The following KIF21A variants were observed in gnomAD, a reference collection of about 807,000 sequenced individuals.
The protein encoded by KIF21A is kinesin family member 21A.
In KIF21A, 114 loss-of-function variants were observed where a neutral mutation model predicts 202.9. That is an observed-to-expected ratio of 0.56 (90% CI 0.48 to 0.66). The LOEUF (loss-of-function observed/expected upper bound fraction) is 0.66. Among genes scored for constraint, KIF21A ranks in the 30% least tolerant of loss-of-function variants. The probability of loss-of-function intolerance (pLI) is 0.00; values close to 1 mark genes in which losing one functional copy is unlikely to be tolerated. For synonymous variants in KIF21A, 667 were observed against 670.8 expected, an observed-to-expected ratio of 0.99 and a Z score of 0.09; for missense variants, 1,677 against 1,994.9, an observed-to-expected ratio of 0.84 and a Z score of 3.04.
At chr12:39,374,103 C>A (rs779576868) in intron 1 of KIF21A, among the ~76,000 whole-genome samples, 7 of 152,124 alleles carry the variant, frequency 4.6e-5, no homozygotes, top group Non-Finnish European at 7.4e-5. Context: ...TTTAAAATCT[C>A]CAAATCCCTA....
intron 1 of KIF21A, among the ~76,000 whole-genome samples, chr12:39,370,605 A>T (rs1011135363): frequency 1.3e-5 from 2 of 152,100 alleles, no homozygotes; most frequent in African/African-American, 4.8e-5. Flanking sequence ...GCTATTTGCT[A>T]TTATTATTGT....
chr12:39,393,986 G>A (rs1951552885), intron 1 of KIF21A, among the ~76,000 whole-genome samples: 1 of 152,222 alleles, frequency 6.6e-6, no homozygotes, highest in South Asian at 2.1e-4. Context: ...AAGCATTGCA[G>A]CTTGGATTCA....
chr12:39,331,164 A>G (rs1298476129), intron 22 of KIF21A, among the ~76,000 whole-genome samples: 1 of 152,116 alleles, frequency 6.6e-6, no homozygotes, highest in Non-Finnish European at 1.5e-5. Context: ...CATTGTGAAA[A>G]TTAAGTGAGA....
At chr12:39,404,920 T>G (rs980826816) in intron 1 of KIF21A, among the ~76,000 whole-genome samples, 2 of 152,084 alleles carry the variant, frequency 1.3e-5, no homozygotes, top group Non-Finnish European at 2.9e-5. Flanking sequence ...CTAATACAAA[T>G]TTCAAATGCG....
At chr12:39,406,661 A>T (rs1458193489) in intron 1 of KIF21A, among the ~76,000 whole-genome samples, 2 of 152,168 alleles carry the variant, frequency 1.3e-5, no homozygotes, top group Non-Finnish European at 2.9e-5. Flanking sequence ...CAAGGGAAGG[A>T]CTGTTTTCTT....
At chr12:39,351,541 T>C (rs1948381171) in intron 11 of KIF21A, among the ~76,000 whole-genome samples, 1 of 152,074 alleles carries the variant, frequency 6.6e-6, no homozygotes. Context: ...ATAGTAATTT[T>C]ATATTGTCAT....
At chr12:39,305,669 C>A (rs1943403301) in intron 34 of KIF21A, among the ~76,000 whole-genome samples, 1 of 152,022 alleles carries the variant, frequency 6.6e-6, no homozygotes, top group Admixed American at 6.6e-5. Context: ...TTTAGGTAAG[C>A]AAAAAAGCAG....
chr12:39,414,440 G>A (rs1953370792), intron 1 of KIF21A, among the ~76,000 whole-genome samples: 1 of 152,082 alleles, frequency 6.6e-6, no homozygotes, highest in Non-Finnish European at 1.5e-5. Flanking sequence ...TCATCTTTAA[G>A]AAAGAATTTA....
intron 30 of KIF21A, among the ~76,000 whole-genome samples, 188 bp from the exon 31 acceptor site, chr12:39,315,428 T>C (rs1944426293): frequency 6.6e-6 from 1 of 152,036 alleles, no homozygotes; most frequent in Admixed American, 6.6e-5. Flanking sequence ...TTCTTAAGAA[T>C]ATTTATTTTA....
At position 39,301,619 on chromosome 12, in the gene KIF21A, C is replaced by T. The variant is rs537501726; in HGVS notation, c.4792G>A (p.Val1598Ile). The change falls in exon 37 of 38, where the codon GTT becomes ATT. Residue 1598 changes from valine (V) to isoleucine (I), a missense_variant. Coordinates refer to ENST00000361418, the MANE Select transcript of KIF21A (RefSeq NM_001173464.2). ...CCCCCTCTGCAGCCACTGAGCAAAACTGGGTGGTCTGGCACCACTCCCAGG... is the reference window on the plus strand; with the variant it reads ...CCCCCTCTGCAGCCACTGAGCAAAATTGGGTGGTCTGGCACCACTCCCAGG... ...CALGVVPDHP[V>I]LLSGCRGGIL... The T allele has an allele frequency of 6.2e-7, 1 of 1,614,128 alleles. No individual in the cohort carries two copies. Among genetic ancestry groups the T allele is most frequent in the Admixed American group, 1.7e-5 (1 of 60,020 alleles).
intron 1 of KIF21A, among the ~76,000 whole-genome samples, chr12:39,423,103 G>C (rs1954436648): frequency 6.6e-6 from 1 of 152,196 alleles, no homozygotes; most frequent in South Asian, 2.1e-4. Context: ...GTAAGTGCTT[G>C]ACAAATGTAT....
chr12:39,324,064 C>T (rs902774061), intron 26 of KIF21A, among the ~76,000 whole-genome samples: 3 of 151,734 alleles, frequency 2.0e-5, no homozygotes, highest in Admixed American at 6.6e-5. Flanking sequence ...GAGCTGAGAT[C>T]GCGCCACTGC....
chr12:39,318,172 A>T lies in KIF21A; in HGVS notation c.3809T>A (p.Leu1270His). ...GCTTGGTGGGGAAGAAGGAGGTGAAAGACTAGCCTCTGAAGTTCCAGAATC... is the reference window on the plus strand; with the variant it reads ...GCTTGGTGGGGAAGAAGGAGGTGAATGACTAGCCTCTGAAGTTCCAGAATC... Reference protein sequence around the residue: ...HSDSGTSEASLSPPSSPPSRP... With the variant: ...HSDSGTSEASHSPPSSPPSRP... The change falls in exon 29 of 38, where the codon CTT (leucine) becomes CAT (histidine). Residue 1270 changes from leucine (L) to histidine (H), a missense_variant. Transcript: ENST00000361418. 6.2e-7 allele frequency: 1 copy of T among 1,613,692 alleles called. No homozygotes were observed. Among genetic ancestry groups the T allele is most frequent in the Non-Finnish European group, 8.5e-7 (1 of 1,179,658 alleles).
chr12:39,305,028 T>G, intron 34 of KIF21A, 90 bp from the exon 35 acceptor site: 1 of 722,634 alleles, frequency 1.4e-6, no homozygotes, highest in East Asian at 2.8e-5. Context: ...CATTCTTTCA[T>G]AAAATAATTC....
intron 1 of KIF21A, among the ~76,000 whole-genome samples, chr12:39,427,052 C>T (rs1000667075): frequency 6.6e-6 from 1 of 151,592 alleles, no homozygotes; most frequent in South Asian, 2.1e-4. Flanking sequence ...CTTGTGTAGA[C>T]ATGCAAGGCT....
intron 1 of KIF21A, among the ~76,000 whole-genome samples, chr12:39,429,696 T>G (rs1165364226): frequency 3.3e-5 from 5 of 152,278 alleles, no homozygotes; most frequent in Admixed American, 2.0e-4. Flanking sequence ...AAGATGAAAG[T>G]GTGGTTTTAT....
At chr12:39,379,274 G>A (rs1185183932) in intron 1 of KIF21A, among the ~76,000 whole-genome samples, 1 of 150,798 alleles carries the variant, frequency 6.6e-6, no homozygotes, top group Non-Finnish European at 1.5e-5. Context: ...GTTGCAGTGA[G>A]CCGAGATCGT....
At chr12:39,434,752 C>A (rs548000588) in intron 1 of KIF21A, among the ~76,000 whole-genome samples, 2 of 152,046 alleles carry the variant, frequency 1.3e-5, no homozygotes, top group African/African-American at 4.8e-5. Context: ...AGAAGGAATA[C>A]AATTGAGGCT....
intron 24 of KIF21A, among the ~76,000 whole-genome samples, chr12:39,329,197 T>A (rs1946268191): frequency 6.6e-6 from 1 of 152,196 alleles, no homozygotes; most frequent in East Asian, 1.9e-4. Flanking sequence ...AGAGCCCCAG[T>A]CCCTAGGGCA....
Sources: allele counts gnomAD v4.1 joint callset (sites outside exome capture counted in the v4.1 genomes callset), GRCh38; gene constraint gnomAD v4.1.1; transcripts MANE v1.5; gene names NCBI Gene and HGNC (gene_info 2026-07-23, HGNC 2026-07-21).